Variants in WNK2 observed in about 807,000 individuals in gnomAD.
WNK2 encodes the protein WNK lysine deficient protein kinase 2.
WNK2 carries 67 observed loss-of-function variants against 192.1 expected under a neutral mutation model. That is an observed-to-expected ratio of 0.35 (90% CI 0.29 to 0.43). The LOEUF is 0.43. Ranked by LOEUF, WNK2 falls within the 20% of genes least tolerant of loss-of-function variation. The pLI is 1.00. For synonymous variants in WNK2, 1,439 were observed against 1,393.9 expected (o/e 1.03, Z -0.72); for missense variants, 2,698 against 3,089.7 (o/e 0.87, Z 3.01).
intron 28 of WNK2, among the ~76,000 whole-genome samples, chr9:93,313,770 A>G (rs1015476526): frequency 9.8e-5 from 15 of 152,320 alleles, no homozygotes; most frequent in African/African-American, 2.9e-4. Flanking sequence ...TTCATCATAT[A>G]TCTTTTGTCA....
rs1460236941 is a variant in WNK2, at chr9:93,262,120, C to A, written c.3360+13C>A. On this transcript the variant is annotated intron_variant, in intron 13 of 29. Transcript: ENST00000427277. ...ACCAGTCCAAGAGGTGTGTGCCCCT[C>A]CCCCCAGCCTGTCCCATGACTGGGC... The A allele has an allele frequency of 6.4e-7, 1 of 1,564,478 alleles. No homozygotes were observed. The highest frequency in any genetic ancestry group is 8.7e-7 in the Non-Finnish European group (1 of 1,149,462).
At chr9:93,200,604 C>G (rs936796535) in intron 2 of WNK2, among the ~76,000 whole-genome samples, 6 of 152,162 alleles carry the variant, frequency 3.9e-5, no homozygotes, top group Non-Finnish European at 7.3e-5. Flanking sequence ...GAACTTGGCA[C>G]CCTCGTTTGC....
intron 26 of WNK2, among the ~76,000 whole-genome samples, chr9:93,301,724 C>T (rs1384818299): frequency 6.6e-6 from 1 of 152,210 alleles, no homozygotes; most frequent in East Asian, 1.9e-4. Context: ...CGATCTGGGG[C>T]TGTCACTGGG....
At chr9:93,185,686 CT>C in intron 2 of WNK2, 76 bp downstream of exon 2, 2 of 1,517,394 alleles carry the variant, frequency 1.3e-6, no homozygotes, top group Non-Finnish European at 1.8e-6. Context: ...GTCCTTGCTC[CT>C]GCGCCTGGCC....
chr9:93,286,876 G>A (rs1193406557), intron 19 of WNK2, among the ~76,000 whole-genome samples: 1 of 152,130 alleles, frequency 6.6e-6, no homozygotes. Context: ...GAACCTACAG[G>A]ACATTATGCT....
chr9:93,184,790 A>C, intron 1 of WNK2, 138 bp from the exon 2 acceptor site: 1 of 748,390 alleles, frequency 1.3e-6, no homozygotes, highest in Non-Finnish European at 1.8e-6. Context: ...CAGGGCCCCC[A>C]GAGACGGCCC....
intron 2 of WNK2, among the ~76,000 whole-genome samples, chr9:93,187,236 T>C (rs1478528883): frequency 1.2e-4 from 19 of 152,116 alleles, no homozygotes; most frequent in Admixed American, 1.2e-3. Context: ...TTAGTTCCCA[T>C]TCCCTTTAAG....
chr9:93,267,679 C>A lies in WNK2; in HGVS notation c.3697-67C>A. ...TGGTACAGGGTAGACATCCGTCAAT[C>A]CAGATGAAGACCTAGGGTGGTCTTG... On this transcript the variant is annotated intron_variant, in intron 16 of 29. Coordinates refer to ENST00000427277, the MANE Select transcript of WNK2 (RefSeq NM_006648.4). 2.7e-6 allele frequency: 4 copies of A among 1,477,642 alleles called. 1 individual carries two copies. The South Asian group carries it at 4.1e-5, about 15-fold the overall frequency. 91.5% of individuals were successfully genotyped at this position (1,477,642 alleles called of 1,614,324 possible).
chr9:93,269,600 G>A (rs987318925), intron 19 of WNK2, among the ~76,000 whole-genome samples: 1 of 152,186 alleles, frequency 6.6e-6, no homozygotes, highest in Non-Finnish European at 1.5e-5. Flanking sequence ...TTGCCTACAA[G>A]ATTGAATTTT....
At chr9:93,215,426 A>G (rs1193505526) in intron 2 of WNK2, among the ~76,000 whole-genome samples, 3 of 152,170 alleles carry the variant, frequency 2.0e-5, no homozygotes, top group Non-Finnish European at 4.4e-5. Flanking sequence ...TTTTAAAATA[A>G]TGTTTTGATT....
chr9:93,236,801 G>T (rs1444882182), intron 5 of WNK2, among the ~76,000 whole-genome samples: 1 of 152,262 alleles, frequency 6.6e-6, no homozygotes, highest in East Asian at 1.9e-4. Flanking sequence ...GGAGGTGTGG[G>T]GAGGAAGCCC....
intron 8 of WNK2, 97 bp from the exon 9 acceptor site, chr9:93,252,786 G>C: frequency 8.7e-7 from 1 of 1,143,334 alleles, no homozygotes; most frequent in South Asian, 2.0e-5. Context: ...GGAGAAACAA[G>C]CCTTTATTTT....
In WNK2 at chr9:93,256,858, G is replaced by A. The variant is rs1050565167; in HGVS notation, c.2191-90G>A. ...AGCATGTGCGTGTGCATGTGAGGGT[G>A]AGGGTTGATATCCTGTCATGTGTAA... On this transcript the variant is annotated intron_variant, in intron 10 of 29. Transcript: ENST00000427277. 3 of 1,236,178 alleles carry A rather than the reference G, an allele frequency of 2.4e-6. No individual in the cohort carries two copies. In the East Asian group the frequency reaches 7.7e-5, roughly 32 times the overall value. 76.6% of individuals were successfully genotyped at this position (1,236,178 alleles called of 1,614,324 possible).
At chr9:93,207,441 G>T (rs116322802) in intron 2 of WNK2, among the ~76,000 whole-genome samples, 4,035 of 152,242 alleles carry the variant, frequency 0.027, 160 homozygotes, top group African/African-American at 0.088. Context: ...ATGATCTCCC[G>T]GTCAGCATGC....
chr9:93,267,616 TG>T, intron 16 of WNK2, 129 bp from the exon 17 acceptor site: 1 of 1,098,186 alleles, frequency 9.1e-7, no homozygotes, highest in Non-Finnish European at 1.3e-6. Flanking sequence ...GCCCCTGTCT[TG>T]GGGACTGCAC....
chr9:93,314,219 T>A (rs1588651258), intron 28 of WNK2, among the ~76,000 whole-genome samples: 1 of 151,254 alleles, frequency 6.6e-6, no homozygotes, highest in African/African-American at 2.4e-5. Context: ...GAGGCAGAGG[T>A]TGCAGTGAGC....
intron 19 of WNK2, chr9:93,268,956 A>C: frequency 6.4e-7 from 1 of 1,550,536 alleles, no homozygotes; most frequent in Admixed American, 2.0e-5. Flanking sequence ...TCCAGGTTTG[A>C]GTCTGCCCTG....
chr9:93,205,564 C>A (rs1833208370), intron 2 of WNK2, among the ~76,000 whole-genome samples: 2 of 151,828 alleles, frequency 1.3e-5, no homozygotes, highest in South Asian at 4.1e-4. Flanking sequence ...TTCGGCCCGC[C>A]CCGCGGCCGG....
chr9:93,252,748 C>A, intron 8 of WNK2, 135 bp from the exon 9 acceptor site: 1 of 821,766 alleles, frequency 1.2e-6, no homozygotes, highest in Non-Finnish European at 1.7e-6. Context: ...ATTGTTTAAA[C>A]AATATGTGCG....
Sources: gnomAD v4.1 joint callset for allele counts (sites outside exome capture counted in the v4.1 genomes callset) on GRCh38, gnomAD v4.1.1 for gene constraint, MANE v1.5 for transcripts, NCBI Gene and HGNC (gene_info 2026-07-23, HGNC 2026-07-21) for gene names.